AP1G1: variants seen among roughly 807,000 people sequenced by gnomAD.
AP1G1 encodes the protein adaptor related protein complex 1 subunit gamma 1.
AP1G1 carries 7 observed loss-of-function variants against 108.3 expected under a neutral mutation model. That is an observed-to-expected ratio of 0.06 (90% CI 0.04 to 0.12). The LOEUF (loss-of-function observed/expected upper bound fraction) is 0.12. AP1G1 is among the 10% of genes least tolerant of loss of function. The pLI is 1.00. For synonymous variants in AP1G1, 379 were observed against 353.5 expected, an observed-to-expected ratio of 1.07 and a Z score of -0.81; for missense variants, 756 against 1,010.7, an observed-to-expected ratio of 0.75 and a Z score of 3.42.
chr16:71,808,817 A>C lies in AP1G1; in HGVS notation c.-58T>G. 7.8e-7 allele frequency: 1 copy of C among 1,289,736 alleles called. No homozygotes were observed. The highest frequency in any genetic ancestry group is 1.0e-6 in the Non-Finnish European group (1 of 988,802). 79.9% of individuals were successfully genotyped at this position (1,289,736 alleles called of 1,614,324 possible). A position where few individuals can be genotyped will look rare whatever the true frequency, so the allele number is the denominator to read the frequency against. On this transcript the variant is annotated 5_prime_UTR_variant, in exon 1 of 23. Coordinates refer to ENST00000299980, the MANE Select transcript of AP1G1 (RefSeq NM_001128.6). ...CTCCGGGGGCGGCGGCAGCAGTGGC[A>C]GCAGGAACCGAACATCCAAAATGGC...
chr16:71,776,685 T>C lies in AP1G1; in HGVS notation c.202-2093A>G, dbSNP rs74479374. ...TGACAAACTCCAAGCATTACACAGATAAATTATCCAAAAATATTTTATTAG... is the reference window on the plus strand; with the variant it reads ...TGACAAACTCCAAGCATTACACAGACAAATTATCCAAAAATATTTTATTAG... On this transcript the variant is annotated intron_variant, in intron 2 of 22. Transcript: ENST00000299980. Among the ~76,000 whole-genome samples, 65 of 152,352 alleles carry C rather than the reference T, an allele frequency of 4.3e-4. 1 individual carries two copies. In the East Asian group the frequency reaches 0.012, roughly 27 times the overall value.
At chr16:71,778,110 T>C (rs992479251) in intron 2 of AP1G1, among the ~76,000 whole-genome samples, 3 of 151,856 alleles carry the variant, frequency 2.0e-5, no homozygotes, top group African/African-American at 4.8e-5. Flanking sequence ...ACAAAACAAA[T>C]AACAACAACA....
At chr16:71,748,191 ATTTT>A (rs780851239) in intron 16 of AP1G1, 56 bp downstream of exon 16, 329 of 1,556,638 alleles carry the variant, frequency 2.1e-4, no homozygotes, top group Non-Finnish European at 2.7e-4. Context: ...GTTTTTTGGG[ATTTT>A]TTTTGTTTTT....
intron 21 of AP1G1, 83 bp from the exon 22 acceptor site, chr16:71,734,790 G>T: frequency 9.2e-7 from 1 of 1,084,522 alleles, no homozygotes; most frequent in Non-Finnish European, 1.4e-6. Context: ...TAGACACCCA[G>T]ATGATGGGTC....
In AP1G1 at chr16:71,771,215, G is replaced by T; in HGVS notation, c.506C>A (p.Pro169His). Residue 169 changes from proline to histidine, a missense_variant, in exon 5 of 23, where the codon CCT becomes CAT. Pro to His is a moderately conservative substitution (Grantham distance 77, BLOSUM62 -2). Transcript: ENST00000299980. ...LCAVHVIRKVPELMEMFLPAT... is the reference protein window; with the variant it reads ...LCAVHVIRKVHELMEMFLPAT... ...TGGTAAAAACATCTCCATAAGTTCA[G>T]GAACTTTCCTGATGACATGAACAGC... 1 of 1,608,850 alleles carries T rather than the reference G, an allele frequency of 6.2e-7. No homozygotes were observed.
chr16:71,787,216 G>A (rs1273452581), intron 2 of AP1G1, among the ~76,000 whole-genome samples: 2 of 151,942 alleles, frequency 1.3e-5, no homozygotes, highest in East Asian at 1.9e-4. Context: ...CTACTCGGGA[G>A]GCTGAGGCAG....
chr16:71,781,841 A>G (rs2032030263), intron 2 of AP1G1, among the ~76,000 whole-genome samples: 1 of 152,218 alleles, frequency 6.6e-6, no homozygotes, highest in Non-Finnish European at 1.5e-5. Context: ...TCTAGGTTAT[A>G]TACCTAAGGA....
chr16:71,779,525 G>C (rs1315477670), intron 2 of AP1G1, among the ~76,000 whole-genome samples: 1 of 152,008 alleles, frequency 6.6e-6, no homozygotes, highest in Non-Finnish European at 1.5e-5. Flanking sequence ...GTTTTTAGTA[G>C]AGATGGGGTT....
intron 19 of AP1G1, among the ~76,000 whole-genome samples, chr16:71,744,485 G>A (rs1415200283): frequency 6.6e-6 from 1 of 151,614 alleles, no homozygotes; most frequent in Non-Finnish European, 1.5e-5. Context: ...CCATTAGTGG[G>A]AAGGAACCAA....
chr16:71,736,616 C>T (rs551657797), intron 21 of AP1G1, among the ~76,000 whole-genome samples: 10 of 148,856 alleles, frequency 6.7e-5, no homozygotes, highest in African/African-American at 2.0e-4. Context: ...AGACGAGTCT[C>T]GCTCTGTTGC....
chr16:71,745,080 A>G, intron 19 of AP1G1, 64 bp downstream of exon 19: 2 of 1,577,794 alleles, frequency 1.3e-6, no homozygotes, highest in East Asian at 4.5e-5. Context: ...GTCTGGGTTC[A>G]GTTTAGTTTT....
chr16:71,754,993 G>A (rs1189546217), intron 12 of AP1G1, among the ~76,000 whole-genome samples: 1 of 152,148 alleles, frequency 6.6e-6, no homozygotes, highest in Non-Finnish European at 1.5e-5. Flanking sequence ...ACAACATTTG[G>A]ACTAAAAACT....
rs146897411 is a variant in AP1G1 at position 71,730,983 on chromosome 16, A to G, written c.*2075T>C. On this transcript the variant is annotated 3_prime_UTR_variant, in exon 23 of 23. Coordinates refer to ENST00000299980, the MANE Select transcript of AP1G1 (RefSeq NM_001128.6). ...AAACCTGAGCTGGTTAGCTACAAAT[A>G]TAAGAGAGAAAATAAAGCCTCTACA... 2.6e-5 allele frequency: 4 copies of G among 152,554 alleles called. No homozygotes were observed. The highest frequency in any genetic ancestry group is 3.9e-4 in the East Asian group (2 of 5,188). 9.5% of individuals were successfully genotyped at this position (152,554 alleles called of 1,614,324 possible). A position where few individuals can be genotyped will look rare whatever the true frequency, so the allele number is the denominator to read the frequency against.
chr16:71,774,077 A>G (rs2031680963), intron 3 of AP1G1, among the ~76,000 whole-genome samples: 1 of 150,204 alleles, frequency 6.7e-6, no homozygotes, highest in East Asian at 2.0e-4. Flanking sequence ...GAAAAAAAAA[A>G]AAAAACCAGA....
intron 12 of AP1G1, among the ~76,000 whole-genome samples, chr16:71,754,364 GGAAAGGAAAA>G (rs923807954): frequency 3.8e-4 from 58 of 151,112 alleles, no homozygotes; most frequent in African/African-American, 1.3e-3. Context: ...AAGAAAGGAA[GGAAAGGAAAA>G]GAAAGGAAAA....
intron 2 of AP1G1, among the ~76,000 whole-genome samples, chr16:71,778,854 C>T (rs1004948208): frequency 2.0e-5 from 3 of 152,118 alleles, no homozygotes; most frequent in Non-Finnish European, 2.9e-5. Context: ...CAAAACTCCA[C>T]ACTGTTGCAT....
chr16:71,737,672 TA>T (rs781760261), intron 21 of AP1G1, among the ~76,000 whole-genome samples: 2 of 151,962 alleles, frequency 1.3e-5, no homozygotes, highest in African/African-American at 4.8e-5. Context: ...GGGGAAAAAA[TA>T]AAAAAAGACT....
intron 3 of AP1G1, chr16:71,774,264 G>A: frequency 1.9e-6 from 1 of 522,942 alleles, no homozygotes; most frequent in East Asian, 3.9e-5. Context: ...TATAATCCCA[G>A]CTACGCAGGA....
At chr16:71,744,819 A>G (rs1395392676) in intron 19 of AP1G1, among the ~76,000 whole-genome samples, 1 of 152,076 alleles carries the variant, frequency 6.6e-6, no homozygotes, top group African/African-American at 2.4e-5. Context: ...CAGGTGATCC[A>G]CCTGCCTCTG....
Sources: gnomAD v4.1 joint callset for allele counts (sites outside exome capture counted in the v4.1 genomes callset) on GRCh38, gnomAD v4.1.1 for gene constraint, MANE v1.5 for transcripts, NCBI Gene and HGNC (gene_info 2026-07-23, HGNC 2026-07-21) for gene names.